NRXN1: variants seen among roughly 807,000 people sequenced by gnomAD.
NRXN1 encodes neurexin 1.
A neutral mutation model predicts 150.9 loss-of-function variants in NRXN1; 39 were observed. The observed-to-expected ratio is 0.26, with a 90% CI of 0.20 to 0.34. The LOEUF (loss-of-function observed/expected upper bound fraction) is 0.34, where lower values mean the gene tolerates loss of function less well. NRXN1 is among the 10% of genes least tolerant of loss of function. The pLI is 1.00. For missense variants in NRXN1, 1,815 were observed against 1,949.9 expected (o/e 0.93, Z 1.30); for synonymous variants, 924 against 757.0 (o/e 1.22, Z -3.62).
intron 17 of NRXN1, among the ~76,000 whole-genome samples, chr2:50,438,686 C>G (rs975013536): frequency 6.6e-6 from 1 of 152,126 alleles, no homozygotes; most frequent in Non-Finnish European, 1.5e-5. Context: ...AAATATAGAC[C>G]TGTCCTAAGT....
intron 17 of NRXN1, among the ~76,000 whole-genome samples, chr2:50,377,919 T>C (rs1019172730): frequency 4.6e-5 from 7 of 152,106 alleles, no homozygotes; most frequent in African/African-American, 1.7e-4. Flanking sequence ...AGTTGCTCCA[T>C]AGGAGAAAGG....
At chr2:50,924,223 C>G (rs1033610542) in intron 3 of NRXN1, among the ~76,000 whole-genome samples, 4 of 151,694 alleles carry the variant, frequency 2.6e-5, no homozygotes, top group Non-Finnish European at 4.4e-5. Context: ...GATGCTACAT[C>G]AATAAGGATG....
chr2:50,766,056 C>G (rs1401666051), intron 5 of NRXN1, among the ~76,000 whole-genome samples: 1 of 151,986 alleles, frequency 6.6e-6, no homozygotes, highest in Non-Finnish European at 1.5e-5. Flanking sequence ...ACAAAGCTCT[C>G]AAACAATCAT....
intron 18 of NRXN1, among the ~76,000 whole-genome samples, chr2:50,161,486 C>T (rs2059361790): frequency 6.6e-6 from 1 of 152,130 alleles, no homozygotes; most frequent in Non-Finnish European, 1.5e-5. Context: ...GAGTATACTT[C>T]TTGGGTAAGG....
chr2:50,217,542 T>G (rs2063486905), intron 18 of NRXN1, among the ~76,000 whole-genome samples: 1 of 152,046 alleles, frequency 6.6e-6, no homozygotes, highest in South Asian at 2.1e-4. Flanking sequence ...TTAAACCCTA[T>G]AAGTAGGGGT....
At chr2:50,800,044 G>A (rs1487699260) in intron 5 of NRXN1, among the ~76,000 whole-genome samples, 1 of 152,094 alleles carries the variant, frequency 6.6e-6, no homozygotes, top group East Asian at 1.9e-4. Flanking sequence ...AACAAATGTT[G>A]AAGAACTGTA....
intron 2 of NRXN1, among the ~76,000 whole-genome samples, chr2:50,997,066 T>C (rs1212368731): frequency 6.6e-6 from 1 of 152,018 alleles, no homozygotes; most frequent in Non-Finnish European, 1.5e-5. Context: ...TGGAATTAAA[T>C]GATTAAGTTT....
intron 17 of NRXN1, among the ~76,000 whole-genome samples, chr2:50,416,436 C>T (rs2083544371): frequency 6.6e-6 from 1 of 152,028 alleles, no homozygotes; most frequent in Admixed American, 6.6e-5. Context: ...CCCCAAATAT[C>T]CCTTTGGTCT....
chr2:50,639,883 A>T (rs1683810161), intron 5 of NRXN1, among the ~76,000 whole-genome samples: 1 of 152,098 alleles, frequency 6.6e-6, no homozygotes. Context: ...CTTTGACTCA[A>T]ATGTTCGAAT....
At chr2:50,925,684 T>C (rs1686758242) in intron 3 of NRXN1, among the ~76,000 whole-genome samples, 1 of 151,958 alleles carries the variant, frequency 6.6e-6, no homozygotes, top group Non-Finnish European at 1.5e-5. Flanking sequence ...CAGAACACTG[T>C]AATAACTATT....
chr2:50,991,995 A>G (rs1698607394), intron 2 of NRXN1, among the ~76,000 whole-genome samples: 1 of 152,122 alleles, frequency 6.6e-6, no homozygotes, highest in African/African-American at 2.4e-5. Context: ...TGTACATATG[A>G]ATCTTTTCGT....
At chr2:50,609,704 T>C (rs1677720425) in intron 8 of NRXN1, among the ~76,000 whole-genome samples, 1 of 152,144 alleles carries the variant, frequency 6.6e-6, no homozygotes, top group South Asian at 2.1e-4. Flanking sequence ...AAAAAGTTAT[T>C]GTTATTCCTG....
In NRXN1 at chr2:50,601,071, C is replaced by CA. The variant is rs770232337; in HGVS notation, c.1320+18950dup. The stretch of plus-strand genomic sequence containing the variant: ...ATACCTGACTGATGAGACATCTTGG[C>CA]AAAAAAAAAATAATAATAATTTGGA... On this transcript the variant is annotated intron_variant, in intron 8 of 22. Coordinates refer to ENST00000401669, the MANE Select transcript of NRXN1 (RefSeq NM_001330078.2). Among the ~76,000 whole-genome samples the CA allele has an allele frequency of 4.2e-3, 609 of 145,760 alleles. 3 individuals are homozygous for CA. Among genetic ancestry groups the CA allele is most frequent in the African/African-American group, 0.012 (495 of 39,840 alleles).
At chr2:50,060,998 AT>A (rs1413419872) in intron 19 of NRXN1, among the ~76,000 whole-genome samples, 1 of 152,182 alleles carries the variant, frequency 6.6e-6, no homozygotes, top group East Asian at 1.9e-4. Flanking sequence ...TCCTTCCACC[AT>A]TAGGTATAAA....
chr2:50,429,114 G>T (rs1486815288), intron 17 of NRXN1, among the ~76,000 whole-genome samples: 2 of 151,842 alleles, frequency 1.3e-5, no homozygotes, highest in Non-Finnish European at 2.9e-5. Context: ...ATTACATTTA[G>T]AATTAAAAGT....
At chr2:50,257,776 C>A (rs1430019527) in intron 17 of NRXN1, among the ~76,000 whole-genome samples, 1 of 151,734 alleles carries the variant, frequency 6.6e-6, no homozygotes, top group East Asian at 1.9e-4. Context: ...CTACGGAGTA[C>A]TGAGAAAAGA....
intron 8 of NRXN1, among the ~76,000 whole-genome samples, chr2:50,600,266 T>C: frequency 6.6e-6 from 1 of 150,840 alleles, no homozygotes; most frequent in South Asian, 2.1e-4. Flanking sequence ...TGCTAATGGC[T>C]GAAAATAAAC....
intron 5 of NRXN1, chr2:50,625,080 A>G (rs192449034): frequency 1.3e-5 from 2 of 152,174 alleles, no homozygotes; most frequent in East Asian, 3.9e-4. Flanking sequence ...GCGACATACT[A>G]TCACTATTAT....
chr2:50,848,090 T>C (rs1012463085), intron 5 of NRXN1, among the ~76,000 whole-genome samples: 1 of 152,092 alleles, frequency 6.6e-6, no homozygotes, highest in Non-Finnish European at 1.5e-5. Context: ...GAGAGCATCA[T>C]GTAACACACG....
Sources: allele counts gnomAD v4.1 joint callset (sites outside exome capture counted in the v4.1 genomes callset), GRCh38; gene constraint gnomAD v4.1.1; transcripts MANE v1.5; gene names NCBI Gene and HGNC (gene_info 2026-07-23, HGNC 2026-07-21).